IQCH: variants seen among roughly 807,000 people sequenced by gnomAD.
IQCH encodes IQ domain-containing protein H.
In IQCH, 98 loss-of-function variants were observed where a neutral mutation model predicts 117.0. That is an observed-to-expected ratio of 0.84 (90% CI 0.71 to 0.99). The LOEUF is 0.99. Among genes scored for constraint, IQCH ranks in the 50% least tolerant of loss-of-function variants. The pLI, the probability that IQCH is intolerant of heterozygous loss-of-function variation, is 0.00. For missense variants in IQCH, 1,102 were observed against 1,243.8 expected, an observed-to-expected ratio of 0.89 and a Z score of 1.72; for synonymous variants, 412 against 448.2, an observed-to-expected ratio of 0.92 and a Z score of 1.02.
rs1035008615 is a variant in IQCH, at chr15:67,453,669, G to T, written c.2506-11458G>T. On this transcript the variant is annotated intron_variant, in intron 16 of 20. Coordinates refer to ENST00000335894, the MANE Select transcript of IQCH (RefSeq NM_001031715.3). The surrounding 1 kb of genome is among the most constrained non-coding windows in gnomAD (Gnocchi z 5.8). ...TGCCTCCCAGTTAGGCTACTCAGGG[G>T]TCAGGGACCCACTTGAGGAGGCAGT... Among the ~76,000 whole-genome samples the T allele has an allele frequency of 5.9e-5, 9 of 152,190 alleles. No individual in the cohort carries two copies. Among genetic ancestry groups the T allele is most frequent in the African/African-American group, 1.9e-4 (8 of 41,450 alleles).
chr15:67,388,865 T>G lies in IQCH; in HGVS notation c.1491T>G (p.His497Gln). ...ANVNVIYICS[H>Q]HMNDELVLYY... ...TGAATGTCATCTACATCTGCTCCCA[T>G]CATATGAATGACGAGTTAGTGCTGT... The change falls in exon 12 of 21, where the codon CAT becomes CAG. Residue 497 changes from histidine to glutamine, a missense_variant. Coordinates refer to ENST00000335894, the MANE Select transcript of IQCH (RefSeq NM_001031715.3). This position sits in a 1 kb window ranked among gnomAD's most constrained non-coding sequence, Gnocchi z 5.5. The G allele has an allele frequency of 6.2e-7, 1 of 1,613,904 alleles. No homozygotes were observed. Among genetic ancestry groups the G allele is most frequent in the Non-Finnish European group, 8.5e-7 (1 of 1,179,830 alleles).
chr15:67,436,067 A>G lies in IQCH; in HGVS notation c.2505+14490A>G, dbSNP rs1028122385. Reference sequence around the variant, plus strand: ...TACCTATTTCTTAAGACAATACTCAATCACCCCCTCCCAGCATATGGCACC... The same window carrying G: ...TACCTATTTCTTAAGACAATACTCAGTCACCCCCTCCCAGCATATGGCACC... On this transcript the variant is annotated intron_variant, in intron 16 of 20. Transcript: ENST00000335894. This position sits in a 1 kb window ranked among gnomAD's most constrained non-coding sequence, Gnocchi z 5.1. Among the ~76,000 whole-genome samples the G allele has an allele frequency of 1.3e-5, 2 of 152,064 alleles. No homozygotes were observed. The highest frequency in any genetic ancestry group is 2.9e-5 in the Non-Finnish European group (2 of 68,012).
At chr15:67,486,038 CTTTTTTTTT>C (rs55963427) in intron 18 of IQCH, among the ~76,000 whole-genome samples, 4 of 106,306 alleles carry the variant, frequency 3.8e-5, no homozygotes, top group African/African-American at 1.5e-4. Context: ...GCTAAGTTTT[CTTTTTTTTT>C]TTTTTTTTTT....
At chr15:67,437,308 C>T (rs779868909) in intron 16 of IQCH, among the ~76,000 whole-genome samples, 7 of 152,144 alleles carry the variant, frequency 4.6e-5, no homozygotes, top group Non-Finnish European at 7.3e-5. Flanking sequence ...AGAGAGACAA[C>T]AATCACTGCA....
chr15:67,448,825 C>G (rs2140984869), intron 16 of IQCH, among the ~76,000 whole-genome samples: 1 of 152,228 alleles, frequency 6.6e-6, no homozygotes, highest in South Asian at 2.1e-4. Context: ...AATGGTTGAA[C>G]TAGTTTACAG....
intron 4 of IQCH, among the ~76,000 whole-genome samples, chr15:67,292,335 G>A (rs1046651444): frequency 7.9e-5 from 12 of 152,056 alleles, no homozygotes; most frequent in African/African-American, 1.4e-4. Flanking sequence ...TCATGCAGCC[G>A]CAATCTCCTG....
In IQCH at chr15:67,458,351, A is replaced by G. The variant is rs2082707261; in HGVS notation, c.2506-6776A>G. On this transcript the variant is annotated intron_variant, in intron 16 of 20. Coordinates refer to ENST00000335894, the MANE Select transcript of IQCH (RefSeq NM_001031715.3). The surrounding 1 kb of genome is among the most constrained non-coding windows in gnomAD (Gnocchi z 4.1). ...CTCATACTGCACATCCAATCCATCAATAAGTCCTTTTAGTTCTACTTTTGA... is the reference window on the plus strand; with the variant it reads ...CTCATACTGCACATCCAATCCATCAGTAAGTCCTTTTAGTTCTACTTTTGA... Among the ~76,000 whole-genome samples, 1 of 152,224 alleles carries G rather than the reference A, an allele frequency of 6.6e-6. No homozygotes were observed. Among genetic ancestry groups the G allele is most frequent in the South Asian group, 2.1e-4 (1 of 4,836 alleles).
intron 2 of IQCH, among the ~76,000 whole-genome samples, chr15:67,261,805 G>T (rs1414907968): frequency 6.6e-6 from 1 of 152,202 alleles, no homozygotes; most frequent in Non-Finnish European, 1.5e-5. Flanking sequence ...AGAAGAGTTG[G>T]CTGGGCACAG....
intron 4 of IQCH, among the ~76,000 whole-genome samples, chr15:67,310,054 A>G (rs569282717): frequency 6.6e-6 from 1 of 151,974 alleles, no homozygotes; most frequent in East Asian, 1.9e-4. Context: ...TGCTTTTAGA[A>G]AAGAATCTGA....
rs941057734 is a variant in IQCH at position 67,426,379 on chromosome 15, C to T, written c.2505+4802C>T. ...CCTGCCAGCATCTCCAATTTCAATC[C>T]AGCACCTCAAGGTTCTTTCTAGAAT... On this transcript the variant is annotated intron_variant, in intron 16 of 20. Coordinates refer to ENST00000335894, the MANE Select transcript of IQCH (RefSeq NM_001031715.3). The surrounding 1 kb of genome is among the most constrained non-coding windows in gnomAD (Gnocchi z 5.1). 6.6e-6 allele frequency among the ~76,000 whole-genome samples: 1 copy of T among 152,018 alleles called. No homozygotes were observed. The highest frequency in any genetic ancestry group is 2.4e-5 in the African/African-American group (1 of 41,394).
intron 14 of IQCH, among the ~76,000 whole-genome samples, chr15:67,412,329 C>T (rs769593255): frequency 9.9e-5 from 15 of 152,170 alleles, no homozygotes; most frequent in Non-Finnish European, 1.9e-4. Flanking sequence ...GGTCGCCCAT[C>T]GTCCATCACC....
chr15:67,299,997 C>T (rs559562960), intron 4 of IQCH, among the ~76,000 whole-genome samples: 36 of 152,130 alleles, frequency 2.4e-4, no homozygotes, highest in African/African-American at 7.9e-4. Context: ...TACTTTAATA[C>T]GTTATTTCAT....
intron 14 of IQCH, among the ~76,000 whole-genome samples, chr15:67,409,924 G>A (rs779306144): frequency 2.8e-4 from 42 of 152,200 alleles, no homozygotes; most frequent in Admixed American, 2.0e-3. Flanking sequence ...GAGTATTAAA[G>A]CAGTCCTTAA....
rs1481039085 is a variant in IQCH at position 67,401,326 on chromosome 15, G to T, written c.2097+1021G>T. ...AAACCTGCCATTCTAAAACTATCTT[G>T]CTTTTCATCCAGAAATCCCCAGTCT... On this transcript the variant is annotated intron_variant, in intron 14 of 20. Transcript: ENST00000335894. The surrounding 1 kb of genome is among the most constrained non-coding windows in gnomAD (Gnocchi z 4.7). Among the ~76,000 whole-genome samples, 1 of 152,148 alleles carries T rather than the reference G, an allele frequency of 6.6e-6. No homozygotes were observed. The highest frequency in any genetic ancestry group is 1.5e-5 in the Non-Finnish European group (1 of 68,024).
chr15:67,474,969 T>C lies in IQCH; in HGVS notation c.2677-727T>C, dbSNP rs146955922. 7.9e-5 allele frequency among the ~76,000 whole-genome samples: 12 copies of C among 152,196 alleles called. No homozygotes were observed. The highest frequency in any genetic ancestry group is 2.9e-4 in the African/African-American group (12 of 41,526). On this transcript the variant is annotated intron_variant, in intron 17 of 20. Coordinates refer to ENST00000335894, the MANE Select transcript of IQCH (RefSeq NM_001031715.3). This position sits in a 1 kb window ranked among gnomAD's most constrained non-coding sequence, Gnocchi z 4.1. ...GAGAAAAACATCAGACAAACTGAAA[T>C]TGAGAGAGATTTCACAAAATGCTTG...
At chr15:67,262,812 G>A in intron 2 of IQCH, among the ~76,000 whole-genome samples, 1 of 152,104 alleles carries the variant, frequency 6.6e-6, no homozygotes, top group East Asian at 1.9e-4. Context: ...TTAAGCCTTG[G>A]AGGCTGAGGC....
Position 67,454,187 on chromosome 15 carries a change from C to T in IQCH, c.2506-10940C>T, listed in dbSNP as rs142137852. On this transcript the variant is annotated intron_variant, in intron 16 of 20. Coordinates refer to ENST00000335894, the MANE Select transcript of IQCH (RefSeq NM_001031715.3). This position sits in a 1 kb window ranked among gnomAD's most constrained non-coding sequence, Gnocchi z 5.2. ...GACCCCTTGCGCTTCCCAGGTGGGG[C>T]GATGCCTTGCCCTGCTTTGGCTCAT... Among the ~76,000 whole-genome samples, 880 of 152,318 alleles carry T rather than the reference C, an allele frequency of 5.8e-3. 5 individuals carry two copies. Among genetic ancestry groups the T allele is most frequent in the African/African-American group, 0.018 (755 of 41,574 alleles).
chr15:67,372,249 A>AT lies in IQCH; in HGVS notation c.898dup (p.Ser300PhefsTer24). 1 of 1,614,014 alleles carries AT rather than the reference A, an allele frequency of 6.2e-7. No homozygotes were observed. The highest frequency in any genetic ancestry group is 8.5e-7 in the Non-Finnish European group (1 of 1,179,982). ...ACATTTTAGCTTAGCTTGGGGAGGT[A>AT]TTTTTTCTCTCTTGGAACACGTCGA... On this transcript the variant is annotated frameshift_variant, in exon 9 of 21. Transcript: ENST00000335894. LOFTEE classifies it high-confidence loss of function.
intron 5 of IQCH, among the ~76,000 whole-genome samples, chr15:67,338,213 A>ATCTG (rs1968981278): frequency 3.9e-5 from 5 of 127,742 alleles, no homozygotes; most frequent in Non-Finnish European, 8.7e-5. Flanking sequence ...CTGTCTATCT[A>ATCTG]TCTATCTATC....
Sources: allele counts gnomAD v4.1 joint callset (sites outside exome capture counted in the v4.1 genomes callset), GRCh38; gene constraint gnomAD v4.1.1; non-coding constraint Gnocchi (gnomAD v3.1); transcripts MANE v1.5; gene names NCBI Gene and HGNC (gene_info 2026-07-23, HGNC 2026-07-21).